The following HTR3D variants were observed in gnomAD, a reference collection of about 807,000 sequenced individuals.
HTR3D encodes the protein 5-hydroxytryptamine receptor 3D.
A neutral mutation model predicts 45.8 loss-of-function variants in HTR3D; 47 were observed. That is an observed-to-expected ratio of 1.03 (90% CI 0.81 to 1.31). The LOEUF is 1.31. HTR3D is among the 50% of genes most tolerant of loss of function. The pLI, the probability that HTR3D is intolerant of heterozygous loss-of-function variation, is 0.00. For missense variants in HTR3D, 448 were observed against 506.9 expected (o/e 0.88, Z 1.12); for synonymous variants, 203 against 199.8 (o/e 1.02, Z -0.13).
At chr3:184,034,846 T>C (rs1722841226) in intron 1 of HTR3D, among the ~76,000 whole-genome samples, 2 of 152,102 alleles carry the variant, frequency 1.3e-5, no homozygotes, top group Admixed American at 1.3e-4. Flanking sequence ...GAAAAAATGA[T>C]TTTTAAAAGT....
Position 184,039,025 on chromosome 3 carries a change from C to G in HTR3D, c.*50C>G, listed in dbSNP as rs6789682. On this transcript the variant is annotated 3_prime_UTR_variant, in exon 8 of 8. Transcript: ENST00000428798. ...GTCTGGACTTCTTTTTGCCAGAGAACTCCAGAAACCAGTCAGGCTCTCAGT... is the reference window on the plus strand; with the variant it reads ...GTCTGGACTTCTTTTTGCCAGAGAAGTCCAGAAACCAGTCAGGCTCTCAGT... 6.3e-7 allele frequency: 1 copy of G among 1,579,696 alleles called. No homozygotes were observed.
chr3:184,035,718 C>T (rs894653201), intron 2 of HTR3D, among the ~76,000 whole-genome samples: 3 of 150,036 alleles, frequency 2.0e-5, no homozygotes, highest in African/African-American at 7.4e-5. Context: ...GAGAGTCTCA[C>T]TCTGTCGCCC....
chr3:184,033,808 T>G (rs1161019249), intron 1 of HTR3D, among the ~76,000 whole-genome samples: 3 of 151,964 alleles, frequency 2.0e-5, no homozygotes, highest in Non-Finnish European at 4.4e-5. Context: ...TCCCAGCTAG[T>G]CGGGAGGAGG....
Position 184,038,844 on chromosome 3 carries a change from G to A in HTR3D, c.1084G>A (p.Glu362Lys), listed in dbSNP as rs139240702. 1.6e-4 allele frequency: 251 copies of A among 1,614,174 alleles called. 1 individual carries two copies. The African/African-American group carries it at 2.1e-3, about 13-fold the overall frequency. The change falls in exon 8 of 8, where the codon GAG (glutamate) becomes AAG (lysine). Residue 362 changes from glutamate (E) to lysine (K), a missense_variant. By Grantham distance (56) the Glu-to-Lys change is moderately conservative (BLOSUM62 1). Coordinates refer to ENST00000428798, the MANE Select transcript of HTR3D (RefSeq NM_001145143.1). The surrounding 1 kb of genome is among the most constrained non-coding windows in gnomAD (Gnocchi z 4.5). The stretch of plus-strand genomic sequence containing the variant: ...ATGGACAAGGGCCCAGCGGGAACAC[G>A]AGGCCCAGAAGCAGCACTCGGTGGA... Reference protein sequence around the residue: ...SEWTRAQREHEAQKQHSVELW... With the variant: ...SEWTRAQREHKAQKQHSVELW...
At chr3:184,034,117 C>T (rs754347055) in intron 1 of HTR3D, among the ~76,000 whole-genome samples, 6 of 151,846 alleles carry the variant, frequency 4.0e-5, no homozygotes, top group Non-Finnish European at 7.4e-5. Flanking sequence ...GATAAATACC[C>T]GAAAAAAGTG....
At chr3:184,034,933 T>A in intron 1 of HTR3D, 2 of 724,464 alleles carry the variant, frequency 2.8e-6, no homozygotes, top group Non-Finnish European at 4.2e-6. Flanking sequence ...ATGACATTAC[T>A]GCAGGTAAAA....
Position 184,038,374 on chromosome 3 carries a change from G to A in HTR3D, c.770-35G>A, listed in dbSNP as rs370039191. On this transcript the variant is annotated intron_variant, in intron 6 of 7. Transcript: ENST00000428798. This position sits in a 1 kb window ranked among gnomAD's most constrained non-coding sequence, Gnocchi z 4.5. ...AAAGAAACAAGAAATTCTAGGTGGC[G>A]CCTCTGGCCCTCATGCAGACCCCCT... 14 of 1,613,604 alleles carry A rather than the reference G, an allele frequency of 8.7e-6. No homozygotes were observed. Among genetic ancestry groups the A allele is most frequent in the Middle Eastern group, 1.7e-4 (1 of 6,056 alleles).
In HTR3D at chr3:184,036,515, C is replaced by T; in HGVS notation, c.338C>T (p.Ser113Phe). 1.2e-6 allele frequency: 2 copies of T among 1,614,216 alleles called. No homozygotes were observed. Among genetic ancestry groups the T allele is most frequent in the South Asian group, 2.2e-5 (2 of 91,086 alleles). ...ISPSMDRGER[S>F]PSALSPTQVT... ...CCTTCCATGGACAGAGGTGAACGCT[C>T]TCCTTCAGCCCTTTCACCTACACAG... Residue 113 changes from serine (S) to phenylalanine (F), a missense_variant, in exon 4 of 8, where the codon TCT (serine) becomes TTT (phenylalanine). Coordinates refer to ENST00000428798, the MANE Select transcript of HTR3D (RefSeq NM_001145143.1).
intron 2 of HTR3D, among the ~76,000 whole-genome samples, chr3:184,035,693 T>TC: frequency 6.6e-6 from 1 of 150,830 alleles, no homozygotes; most frequent in East Asian, 1.9e-4. Flanking sequence ...ATCAATTCTT[T>TC]TTTTTTTTTT....
chr3:184,033,009 G>A, intron 1 of HTR3D: 1 of 1,551,884 alleles, frequency 6.4e-7, no homozygotes, highest in Non-Finnish European at 8.7e-7. Flanking sequence ...ACCAACTACA[G>A]TGTCGCCACT....
intron 5 of HTR3D, 34 bp from the exon 6 acceptor site, chr3:184,037,987 C>A (rs1429122809): frequency 6.2e-7 from 1 of 1,606,716 alleles, no homozygotes. Context: ...TCCCAGCCTA[C>A]TTCTCACTTG....
chr3:184,036,967 ATCC>A, intron 5 of HTR3D, 71 bp downstream of exon 5: 1 of 1,459,674 alleles, frequency 6.9e-7, no homozygotes, highest in South Asian at 1.3e-5. Context: ...GCTTCAGGTG[ATCC>A]GCCCGCCTCG....
intron 1 of HTR3D, 173 bp from the exon 2 acceptor site, chr3:184,035,005 C>T: frequency 7.0e-7 from 1 of 1,419,648 alleles, no homozygotes; most frequent in Admixed American, 2.7e-5. Context: ...CTGTGTTTTT[C>T]ATTTACATTT....
At chr3:184,033,153 T>C in intron 1 of HTR3D, 1 of 884,914 alleles carries the variant, frequency 1.1e-6, no homozygotes, top group Middle Eastern at 2.8e-4. Context: ...GGAGTCTTGC[T>C]CTTGTCACCC....
intron 1 of HTR3D, chr3:184,032,860 C>T (rs779300056): frequency 4.5e-6 from 7 of 1,551,918 alleles, no homozygotes; most frequent in Non-Finnish European, 6.1e-6. Flanking sequence ...GCCCCCCAGC[C>T]CTGGCCCTCC....
In HTR3D at chr3:184,038,333, A is replaced by G. The variant is rs756538254; in HGVS notation, c.769+60A>G. ...CAGGCGAAGTGAAAAGGGATCCTGG[A>G]AAAAGATCCTCTGGGAAAGAAACAA... On this transcript the variant is annotated intron_variant, in intron 6 of 7. Transcript: ENST00000428798. The surrounding 1 kb of genome is among the most constrained non-coding windows in gnomAD (Gnocchi z 4.5). 29 of 1,612,112 alleles carry G rather than the reference A, an allele frequency of 1.8e-5. 1 individual carries two copies. In the South Asian group the frequency reaches 3.1e-4, roughly 17 times the overall value.
In HTR3D at chr3:184,037,035, C is replaced by G. The variant is rs946450618; in HGVS notation, c.516+139C>G. 52 of 693,402 alleles carry G rather than the reference C, an allele frequency of 7.5e-5. No individual in the cohort carries two copies. In the African/African-American group the frequency reaches 1.2e-3, roughly 16 times the overall value. The allele number at this position is 693,402 out of a possible 1,614,324, so 43.0% of individuals were successfully genotyped here. On this transcript the variant is annotated intron_variant, in intron 5 of 7. Transcript: ENST00000428798. ...GAACCACGAAGCCCGGCCTTTGTCA[C>G]TCTTTTTTTTTTTTTAAATTTGAGA... is the stretch of plus-strand genomic sequence containing the variant.
Position 184,038,826 on chromosome 3 carries a change from A to G in HTR3D, c.1066A>G (p.Arg356Gly). The G allele has an allele frequency of 4.3e-6, 7 of 1,614,088 alleles. No homozygotes were observed. The highest frequency in any genetic ancestry group is 5.9e-6 in the Non-Finnish European group (7 of 1,180,006). The change falls in exon 8 of 8, where the codon AGG (arginine) becomes GGG (glycine). Residue 356 changes from arginine to glycine, a missense_variant. Arg to Gly is a moderately radical substitution (Grantham distance 125, BLOSUM62 -2). Transcript: ENST00000428798. The surrounding 1 kb of genome is among the most constrained non-coding windows in gnomAD (Gnocchi z 4.5). ...AELTGGSEWT[R>G]AQREHEAQKQ... ...GCTGACAGGGGGCTCAGAATGGACAAGGGCCCAGCGGGAACACGAGGCCCA... is the reference window on the plus strand; with the variant it reads ...GCTGACAGGGGGCTCAGAATGGACAGGGGCCCAGCGGGAACACGAGGCCCA...
At position 184,038,745 on chromosome 3, in the gene HTR3D, G is replaced by A. The variant is rs763287529; in HGVS notation, c.986-1G>A. 5.0e-6 allele frequency: 8 copies of A among 1,589,046 alleles called. No individual in the cohort carries two copies. In the East Asian group the frequency reaches 1.6e-4, roughly 31 times the overall value. On this transcript the variant is annotated splice_acceptor_variant, in intron 7 of 7. Transcript: ENST00000428798. LOFTEE classifies it high-confidence loss of function. This position sits in a 1 kb window ranked among gnomAD's most constrained non-coding sequence, Gnocchi z 4.5. The stretch of plus-strand genomic sequence containing the variant: ...ATGGCTGAGTCTCTGTCTTTCTGTA[G>A]GTGTGAAGGAGCCAGAGGTATCAGC...
Sources: allele counts gnomAD v4.1 joint callset (sites outside exome capture counted in the v4.1 genomes callset), GRCh38; gene constraint gnomAD v4.1.1; non-coding constraint Gnocchi (gnomAD v3.1); transcripts MANE v1.5; gene names NCBI Gene and HGNC (gene_info 2026-07-23, HGNC 2026-07-21).